The following SEC14L4 variants were observed in gnomAD, a reference collection of about 807,000 sequenced individuals.
The protein encoded by SEC14L4 is SEC14 like lipid binding 4, also known as SEC14-like protein 4.
A neutral mutation model predicts 55.1 loss-of-function variants in SEC14L4; 42 were observed. That is an observed-to-expected ratio of 0.76 (90% CI 0.60 to 0.99). SEC14L4 has a LOEUF of 0.99. Ranked by LOEUF, SEC14L4 falls within the 50% of genes least tolerant of loss-of-function variation. The pLI is 0.00. For synonymous variants in SEC14L4, 206 were observed against 206.8 expected, an observed-to-expected ratio of 1.00 and a Z score of 0.03; for missense variants, 445 against 512.1, an observed-to-expected ratio of 0.87 and a Z score of 1.27.
At chr22:30,496,073 T>C (rs1936140948) in intron 2 of SEC14L4, 102 bp from the exon 3 acceptor site, 11 of 821,952 alleles carry the variant, frequency 1.3e-5, no homozygotes, top group Non-Finnish European at 2.2e-5. Flanking sequence ...AGCCTTTTCC[T>C]GACACCCCAA....
chr22:30,489,737 C>T lies in SEC14L4; in HGVS notation c.*370G>A. 2.3e-6 allele frequency: 2 copies of T among 868,260 alleles called. No homozygotes were observed. The highest frequency in any genetic ancestry group is 3.8e-6 in the Non-Finnish European group (2 of 532,104). 53.8% of individuals were successfully genotyped at this position (868,260 alleles called of 1,614,324 possible). ...CACAGGACCTAGGAACCACGCACAC[C>T]CCCTGAAGCTGGAACACCAGGCATG... On this transcript the variant is annotated 3_prime_UTR_variant, in exon 12 of 12. Coordinates refer to ENST00000255858, the MANE Select transcript of SEC14L4 (RefSeq NM_174977.4).
At chr22:30,496,092 T>C in intron 2 of SEC14L4, 121 bp from the exon 3 acceptor site, 2 of 685,450 alleles carry the variant, frequency 2.9e-6, no homozygotes, top group Non-Finnish European at 5.0e-6. Context: ...AATAATACAT[T>C]GAACATCTAG....
chr22:30,495,042 C>T (rs1936093217), intron 5 of SEC14L4, 81 bp from the exon 6 acceptor site: 1 of 1,268,828 alleles, frequency 7.9e-7, no homozygotes, highest in Admixed American at 1.9e-5. Context: ...CACCTCTCCC[C>T]ACCTTCCTGC....
Position 30,494,885 on chromosome 22 carries a change from G to GGTGTTT in SEC14L4, c.499_500insAAACAC (p.Ala167delinsGluThrPro), listed in dbSNP as rs1936086786. The GGTGTTT allele has an allele frequency of 6.2e-7, 1 of 1,613,266 alleles. No homozygotes were observed. Among genetic ancestry groups the GGTGTTT allele is most frequent in the African/African-American group, 1.3e-5 (1 of 74,838 alleles). On this transcript the variant is annotated protein_altering_variant, in exon 6 of 12. Transcript: ENST00000255858. Reference sequence around the variant, plus strand: ...CCTTACCTGCTGGTAGACCTCCACAGCTGGCTTCCACAGGTGTTTCAGGCT... The same window carrying GGTGTTT: ...CCTTACCTGCTGGTAGACCTCCACAGGTGTTTCTGGCTTCCACAGGTGTTTCAGGCT...
At chr22:30,496,022 C>T in intron 2 of SEC14L4, 51 bp from the exon 3 acceptor site, 2 of 1,561,900 alleles carry the variant, frequency 1.3e-6, no homozygotes, top group East Asian at 2.2e-5. Flanking sequence ...CAGAAAGAGC[C>T]CTTCCCTAAA....
At chr22:30,492,585 G>A in intron 7 of SEC14L4, 28 bp from the exon 8 acceptor site, 1 of 1,579,842 alleles carries the variant, frequency 6.3e-7, no homozygotes, top group Non-Finnish European at 8.7e-7. Context: ...CTCTTGAGAA[G>A]CTGGACCAGA....
At chr22:30,495,688 G>A (rs769974471) in intron 3 of SEC14L4, 46 bp from the exon 4 acceptor site, 3 of 1,613,456 alleles carry the variant, frequency 1.9e-6, no homozygotes, top group Admixed American at 3.3e-5. Flanking sequence ...GGAACCTGGG[G>A]ACACCAGGCT....
chr22:30,503,981 C>CA (rs1936415022), intron 1 of SEC14L4, among the ~76,000 whole-genome samples: 1 of 151,962 alleles, frequency 6.6e-6, no homozygotes, highest in Admixed American at 6.6e-5. Flanking sequence ...ACTGGACTCC[C>CA]ATTCTACATG....
rs957324724 is a variant in SEC14L4, at chr22:30,494,896, C to T, written c.489G>A (p.Leu163=). ...FDMEGLSLKH[L]WKPAVEVYQQ... ...GGTAGACCTCCACAGCTGGCTTCCACAGGTGTTTCAGGCTCAGCCCCTCCA... is the reference window on the plus strand; with the variant it reads ...GGTAGACCTCCACAGCTGGCTTCCATAGGTGTTTCAGGCTCAGCCCCTCCA... Residue 163 remains leucine (L), a synonymous_variant, in exon 6 of 12, where the codon CTG becomes CTA. Coordinates refer to ENST00000255858, the MANE Select transcript of SEC14L4 (RefSeq NM_174977.4). 2 of 1,613,658 alleles carry T rather than the reference C, an allele frequency of 1.2e-6. No individual in the cohort carries two copies. Among genetic ancestry groups the T allele is most frequent in the African/African-American group, 2.7e-5 (2 of 74,858 alleles).
In SEC14L4 at chr22:30,492,118, G is replaced by T; in HGVS notation, c.702C>A (p.Pro234=). The change falls in exon 9 of 12, where the codon CCC becomes CCA. Residue 234 remains proline (P), a synonymous_variant. Coordinates refer to ENST00000255858, the MANE Select transcript of SEC14L4 (RefSeq NM_174977.4). ...CCCCAAACTCCACAGGCAGCTGGTC[G>T]GGGCTGATGAATTTTGTCAGCTCCT... ...WKQELTKFIS[P]DQLPVEFGGT... 1.9e-6 allele frequency: 3 copies of T among 1,613,802 alleles called. No homozygotes were observed. The highest frequency in any genetic ancestry group is 2.5e-6 in the Non-Finnish European group (3 of 1,179,824).
Position 30,495,844 on chromosome 22 carries a change from A to G in SEC14L4, c.174+84T>C, listed in dbSNP as rs1292952002. On this transcript the variant is annotated intron_variant, in intron 3 of 11. Coordinates refer to ENST00000255858, the MANE Select transcript of SEC14L4 (RefSeq NM_174977.4). ...GAAAGAAGAAACAGGAGAATGGGAC[A>G]GGGCCAGAGTCTCTACCCTTTTGCA... The G allele has an allele frequency of 8.2e-6, 13 of 1,589,666 alleles. 1 individual carries two copies. The highest frequency in any genetic ancestry group is 1.7e-4 in the Middle Eastern group (1 of 5,994).
chr22:30,501,864 T>TAG (rs1936337343), intron 2 of SEC14L4, among the ~76,000 whole-genome samples: 5 of 143,034 alleles, frequency 3.5e-5, no homozygotes, highest in African/African-American at 1.3e-4. Context: ...TATATATATA[T>TAG]ATATATATAT....
At chr22:30,495,746 G>T in intron 3 of SEC14L4, 104 bp from the exon 4 acceptor site, 2 of 1,608,390 alleles carry the variant, frequency 1.2e-6, no homozygotes, top group Admixed American at 1.7e-5. Flanking sequence ...GCATACCCAG[G>T]CTCTCAGAGC....
intron 2 of SEC14L4, among the ~76,000 whole-genome samples, chr22:30,499,442 T>A (rs1336919435): frequency 2.6e-5 from 4 of 151,734 alleles, no homozygotes; most frequent in South Asian, 4.2e-4. Context: ...TTTTCTTTTT[T>A]AAAAAATTGT....
intron 7 of SEC14L4, 78 bp downstream of exon 7, chr22:30,494,072 T>C: frequency 8.9e-7 from 1 of 1,121,476 alleles, no homozygotes; most frequent in Non-Finnish European, 1.4e-6. Context: ...GAAGAAGCCT[T>C]TAACTCCATG....
intron 3 of SEC14L4, 103 bp downstream of exon 3, chr22:30,495,825 A>C (rs772047254): frequency 1.9e-6 from 3 of 1,590,304 alleles, no homozygotes; most frequent in Non-Finnish European, 2.6e-6. Context: ...GGAAGAAAGA[A>C]GAAACAGGAG....
At chr22:30,493,607 AC>A (rs772305084) in intron 7 of SEC14L4, among the ~76,000 whole-genome samples, 13 of 152,238 alleles carry the variant, frequency 8.5e-5, no homozygotes, top group Non-Finnish European at 1.3e-4. Context: ...TAAGTAAGTA[AC>A]AGTAAACATT....
rs969737491 is a variant in SEC14L4, at chr22:30,491,490, AC to A, written c.1081+82del. 5.9e-6 allele frequency: 9 copies of A among 1,536,650 alleles called. No individual in the cohort carries two copies. In the African/African-American group the frequency reaches 1.1e-4, roughly 19 times the overall value. ...CCCTGGAGCTTACAGAGATCCCCCC[AC>A]CCTCCCGAGAGCTGGAAAGAGAGGG... On this transcript the variant is annotated intron_variant, in intron 11 of 11. Coordinates refer to ENST00000255858, the MANE Select transcript of SEC14L4 (RefSeq NM_174977.4).
At chr22:30,504,041 AT>A (rs1936416566) in intron 1 of SEC14L4, among the ~76,000 whole-genome samples, 2 of 96,314 alleles carry the variant, frequency 2.1e-5, no homozygotes, top group Admixed American at 3.0e-4. Flanking sequence ...TTTTATTATT[AT>A]TTTTATATTA....
Sources: gnomAD v4.1 joint callset for allele counts (sites outside exome capture counted in the v4.1 genomes callset) on GRCh38, gnomAD v4.1.1 for gene constraint, MANE v1.5 for transcripts, NCBI Gene and HGNC (gene_info 2026-07-23, HGNC 2026-07-21) for gene names.